Variants in CUL1 observed in about 807,000 individuals in gnomAD.
CUL1 encodes cullin 1, also known as cullin-1.
Under a neutral mutation model 118.0 loss-of-function variants are expected in CUL1, and 24 were observed. The ratio of observed to expected loss-of-function variants is 0.20; its 90% CI spans 0.15 to 0.29. CUL1 has a LOEUF of 0.29. CUL1 is among the 10% of genes least tolerant of loss of function. The pLI is 1.00. For missense variants in CUL1, 361 were observed against 933.8 expected (o/e 0.39, Z 7.99); for synonymous variants, 332 against 340.4 (o/e 0.98, Z 0.27).
chr7:148,729,232 G>T (rs1448128918), intron 1 of CUL1, among the ~76,000 whole-genome samples: 1 of 152,180 alleles, frequency 6.6e-6, no homozygotes, highest in East Asian at 1.9e-4. Context: ...TTTACTCTGT[G>T]TTAAGTATTT....
intron 1 of CUL1, among the ~76,000 whole-genome samples, chr7:148,713,903 T>C (rs1433997142): frequency 6.6e-6 from 1 of 152,180 alleles, no homozygotes; most frequent in African/African-American, 2.4e-5. Flanking sequence ...TTTGTATTTT[T>C]AGTAGAGATG....
Position 148,790,434 on chromosome 7 carries a change from C to G in CUL1, c.1799C>G (p.Thr600Ser). The G allele has an allele frequency of 6.2e-7, 1 of 1,613,244 alleles. No homozygotes were observed. The highest frequency in any genetic ancestry group is 8.5e-7 in the Non-Finnish European group (1 of 1,179,270). ...ACTAACTGCTTCAAAAACAGATATA[C>G]TTTGCAGGTAAGATCACATTTTTAT... is the stretch of plus-strand genomic sequence containing the variant. ...LVTNCFKNRY[T>S]LQASTFQMAI... The change falls in exon 16 of 22, where the codon ACT becomes AGT. Residue 600 changes from threonine (T) to serine (S), a missense_variant. Thr to Ser is a moderately conservative substitution (Grantham distance 58). This residue lies in a region of CUL1 where 84 missense variants were observed against 203.3 expected (regional missense o/e 0.41). Transcript: ENST00000325222.
At chr7:148,791,556 G>A (rs1262470341) in intron 16 of CUL1, among the ~76,000 whole-genome samples, 1 of 152,222 alleles carries the variant, frequency 6.6e-6, no homozygotes, top group Non-Finnish European at 1.5e-5. Context: ...TTTGACGGTG[G>A]AGGCTTTGCC....
At chr7:148,774,527 C>T (rs1430797005) in intron 9 of CUL1, among the ~76,000 whole-genome samples, 1 of 152,224 alleles carries the variant, frequency 6.6e-6, no homozygotes, top group Non-Finnish European at 1.5e-5. Context: ...GTTTAACACA[C>T]AGTTGCTCAG....
intron 2 of CUL1, among the ~76,000 whole-genome samples, chr7:148,745,236 T>G (rs1799274512): frequency 6.6e-6 from 1 of 152,334 alleles, no homozygotes; most frequent in Middle Eastern, 3.4e-3. Flanking sequence ...TGCTGCAATT[T>G]TCATTGATTA....
chr7:148,759,477 T>C (rs1358657687), intron 5 of CUL1, 71 bp from the exon 6 acceptor site: 1 of 1,371,244 alleles, frequency 7.3e-7, no homozygotes, highest in Non-Finnish European at 1.0e-6. Context: ...GCTGTGAATG[T>C]TTAAGGGATA....
upstream of CUL1, chr7:148,698,061 G>C (rs571881625): frequency 1.3e-5 from 2 of 152,214 alleles, no homozygotes; most frequent in Admixed American, 1.3e-4. Flanking sequence ...AGCCTAGTTA[G>C]GTTTTATCTT....
rs555418323 is a variant in CUL1 at position 148,787,939 on chromosome 7, A to T, written c.1480-618A>T. On this transcript the variant is annotated intron_variant, in intron 13 of 21. Coordinates refer to ENST00000325222, the MANE Select transcript of CUL1 (RefSeq NM_003592.3). This position sits in a 1 kb window ranked among gnomAD's most constrained non-coding sequence, Gnocchi z 5.5. ...GCGTGGGCTGCCATGACGGAATACC[A>T]TAGACCAGGTAGCTTAAACAACAGA... is the stretch of plus-strand genomic sequence containing the variant. Among the ~76,000 whole-genome samples the T allele has an allele frequency of 1.3e-3, 200 of 152,318 alleles. 1 individual carries two copies. Among genetic ancestry groups the T allele is most frequent in the Non-Finnish European group, 2.2e-3 (153 of 68,034 alleles).
At chr7:148,725,247 A>ACCCACC (rs1554463830) in intron 1 of CUL1, among the ~76,000 whole-genome samples, 1 of 150,934 alleles carries the variant, frequency 6.6e-6, no homozygotes, top group African/African-American at 2.4e-5. Flanking sequence ...ACACACACAC[A>ACCCACC]CCCGTACCCC....
chr7:148,786,917 G>A (rs970293910), intron 12 of CUL1, 72 bp from the exon 13 acceptor site: 38 of 1,551,346 alleles, frequency 2.4e-5, no homozygotes, highest in South Asian at 1.8e-4. Flanking sequence ...GCTTGTGGCC[G>A]GTGACAGTCA....
chr7:148,770,001 T>G (rs945455672), intron 9 of CUL1, among the ~76,000 whole-genome samples: 7 of 152,268 alleles, frequency 4.6e-5, no homozygotes, highest in African/African-American at 1.4e-4. Flanking sequence ...CAACTATGAT[T>G]CTCATGTTCC....
chr7:148,725,219 G>GCGCGCGCGCGCGCACACA, intron 1 of CUL1, among the ~76,000 whole-genome samples: 1 of 140,060 alleles, frequency 7.1e-6, no homozygotes, highest in Non-Finnish European at 1.5e-5. Flanking sequence ...ACACGCGCGC[G>GCGCGCGCGCGCGCACACA]CTCACACACA....
intron 2 of CUL1, among the ~76,000 whole-genome samples, chr7:148,745,457 C>T (rs1799282710): frequency 6.6e-6 from 1 of 152,152 alleles, no homozygotes; most frequent in African/African-American, 2.4e-5. Flanking sequence ...TCAGTATACA[C>T]CTTCTTTTGG....
chr7:148,716,731 T>G (rs1367323400), intron 1 of CUL1, among the ~76,000 whole-genome samples: 1 of 152,262 alleles, frequency 6.6e-6, no homozygotes, highest in South Asian at 2.1e-4. Flanking sequence ...TTTACTTTCT[T>G]ATCAGTATGT....
At chr7:148,791,073 C>T (rs535158572) in intron 16 of CUL1, among the ~76,000 whole-genome samples, 6 of 152,272 alleles carry the variant, frequency 3.9e-5, no homozygotes, top group Admixed American at 6.5e-5. Flanking sequence ...GTAATCCTCA[C>T]GCTTTGGGAG....
At chr7:148,798,709 C>G in intron 20 of CUL1, 32 bp downstream of exon 20, 5 of 1,566,720 alleles carry the variant, frequency 3.2e-6, no homozygotes, top group Non-Finnish European at 4.4e-6. Flanking sequence ...GCCAGGTGTG[C>G]TGTCCCTCAC....
intron 9 of CUL1, chr7:148,783,497 G>A: frequency 7.9e-7 from 1 of 1,271,590 alleles, no homozygotes; most frequent in Non-Finnish European, 1.0e-6. Flanking sequence ...GGAAAATGCT[G>A]TTTTCATGAT....
chr7:148,719,061 C>T (rs1450337317), intron 1 of CUL1, among the ~76,000 whole-genome samples: 1 of 152,164 alleles, frequency 6.6e-6, no homozygotes, highest in Non-Finnish European at 1.5e-5. Flanking sequence ...CCTGTAATCC[C>T]AGCACTTTGG....
intron 2 of CUL1, among the ~76,000 whole-genome samples, chr7:148,737,733 T>A (rs1012609635): frequency 3.3e-5 from 5 of 151,916 alleles, no homozygotes; most frequent in African/African-American, 4.8e-5. Flanking sequence ...CCCGAGTGGC[T>A]GGGATTACAG....
Sources: allele counts gnomAD v4.1 joint callset (sites outside exome capture counted in the v4.1 genomes callset), GRCh38; gene constraint gnomAD v4.1.1; regional missense constraint gnomAD v4.1.1; non-coding constraint Gnocchi (gnomAD v3.1); transcripts MANE v1.5; gene names NCBI Gene and HGNC (gene_info 2026-07-23, HGNC 2026-07-21).